TES: variants seen among roughly 807,000 people sequenced by gnomAD.
The protein encoded by TES is testin.
Under a neutral mutation model 48.2 loss-of-function variants are expected in TES, and 41 were observed. The ratio of observed to expected loss-of-function variants is 0.85; its 90% confidence interval spans 0.66 to 1.10. The LOEUF (loss-of-function observed/expected upper bound fraction) is 1.10. Ranked by LOEUF, TES falls within the 50% of genes least tolerant of loss-of-function variation. TES has a pLI of 0.00. For synonymous variants in TES, 162 were observed against 174.9 expected (o/e 0.93, Z 0.58); for missense variants, 463 against 515.1 (o/e 0.90, Z 0.98).
chr7:116,240,480 C>T (rs1259558059), intron 2 of TES, among the ~76,000 whole-genome samples: 1 of 151,958 alleles, frequency 6.6e-6, no homozygotes, highest in Non-Finnish European at 1.5e-5. Flanking sequence ...CTTCCCTCCC[C>T]CTCGCTCCTC....
chr7:116,232,843 T>G (rs1248519370), intron 1 of TES, among the ~76,000 whole-genome samples: 2 of 152,220 alleles, frequency 1.3e-5, no homozygotes, highest in African/African-American at 4.8e-5. Context: ...GCTGGACAGT[T>G]GTTTATTCTT....
chr7:116,242,160 T>C (rs1799856905), intron 2 of TES, among the ~76,000 whole-genome samples: 1 of 152,204 alleles, frequency 6.6e-6, no homozygotes, highest in Non-Finnish European at 1.5e-5. Flanking sequence ...TTGGGATGCA[T>C]GCTGTAGCTC....
Position 116,210,549 on chromosome 7 carries a change from A to T in TES, c.-159A>T. ...CCGGGCCGCAGGCCCGCTGCGGCGG[A>T]CTGGGCGGCGGAAGTTCGACGGCGC... is the stretch of plus-strand genomic sequence containing the variant. On this transcript the variant is annotated 5_prime_UTR_variant, in exon 1 of 7. Coordinates refer to ENST00000358204, the MANE Select transcript of TES (RefSeq NM_015641.4). 2 of 769,896 alleles carry T rather than the reference A, an allele frequency of 2.6e-6. No homozygotes were observed. The highest frequency in any genetic ancestry group is 4.5e-5 in the Admixed American group (1 of 22,088). The allele number at this position is 769,896 out of a possible 1,614,324, so 47.7% of individuals were successfully genotyped here. A position where few individuals can be genotyped will look rare whatever the true frequency, so the allele number is the denominator to read the frequency against.
chr7:116,249,308 G>A (rs751145563), intron 3 of TES, 36 bp downstream of exon 3: 11 of 1,611,948 alleles, frequency 6.8e-6, no homozygotes, highest in African/African-American at 1.3e-5. Context: ...CTTTATTGAA[G>A]TTCCTGGAGT....
At chr7:116,213,897 T>C (rs556024684) in intron 1 of TES, among the ~76,000 whole-genome samples, 1 of 152,248 alleles carries the variant, frequency 6.6e-6, no homozygotes, top group East Asian at 1.9e-4. Context: ...AACAGTCTCA[T>C]TTTGCGGTGA....
intron 1 of TES, among the ~76,000 whole-genome samples, chr7:116,226,912 G>T (rs941813273): frequency 1.3e-5 from 2 of 152,108 alleles, no homozygotes; most frequent in Non-Finnish European, 2.9e-5. Flanking sequence ...GAGATGGGAA[G>T]TTTTTGTTTT....
At chr7:116,228,315 T>C (rs750901006) in intron 1 of TES, among the ~76,000 whole-genome samples, 1 of 152,142 alleles carries the variant, frequency 6.6e-6, no homozygotes, top group Non-Finnish European at 1.5e-5. Context: ...AGGACCTTGA[T>C]AGATAGTCCC....
intron 2 of TES, 26 bp downstream of exon 2, chr7:116,234,645 A>G (rs367779840): frequency 3.2e-6 from 5 of 1,579,542 alleles, no homozygotes; most frequent in Non-Finnish European, 4.4e-6. Flanking sequence ...CTGCAACCAC[A>G]TTAGTAATTT....
chr7:116,237,447 C>A (rs1209837946), intron 2 of TES, among the ~76,000 whole-genome samples: 1 of 152,130 alleles, frequency 6.6e-6, no homozygotes, highest in African/African-American at 2.4e-5. Context: ...ACCCTAACAT[C>A]TGGCCTCTGC....
chr7:116,218,198 G>A (rs192201359), intron 1 of TES, among the ~76,000 whole-genome samples: 413 of 152,226 alleles, frequency 2.7e-3, no homozygotes, highest in Non-Finnish European at 4.6e-3. Context: ...AACCATGAGT[G>A]ATTCAGCTTG....
rs2116563235 is a variant in TES, at chr7:116,210,629, G to T, written c.-79G>T. 1.6e-6 allele frequency: 2 copies of T among 1,271,100 alleles called. No homozygotes were observed. Among genetic ancestry groups the T allele is most frequent in the East Asian group, 3.2e-5 (1 of 30,836 alleles). 78.7% of individuals were successfully genotyped at this position (1,271,100 alleles called of 1,614,324 possible). A position where few individuals can be genotyped will look rare whatever the true frequency, so the allele number is the denominator to read the frequency against. ...GGAGTTCCGCAGGTTTCCCGTGTTCGCAGCGGAGCCGGAGGCCAGCTGAAC... is the reference window on the plus strand; with the variant it reads ...GGAGTTCCGCAGGTTTCCCGTGTTCTCAGCGGAGCCGGAGGCCAGCTGAAC... On this transcript the variant is annotated 5_prime_UTR_variant, in exon 1 of 7. Coordinates refer to ENST00000358204, the MANE Select transcript of TES (RefSeq NM_015641.4).
chr7:116,226,945 T>C (rs921512922), intron 1 of TES, among the ~76,000 whole-genome samples: 1 of 152,194 alleles, frequency 6.6e-6, no homozygotes, highest in Admixed American at 6.5e-5. Context: ...AAGAGAAATG[T>C]AGCAGATTTA....
Position 116,222,099 on chromosome 7 carries a change from A to C in TES, c.27+11365A>C, listed in dbSNP as rs556790647. ...AATTCTTTTTTTTCCAGAATAAGGG[A>C]TGGTGTGAAAAGGGTATGCAATAAA... On this transcript the variant is annotated intron_variant, in intron 1 of 6. Transcript: ENST00000358204. Among the ~76,000 whole-genome samples, 4 of 152,196 alleles carry C rather than the reference A, an allele frequency of 2.6e-5. No individual in the cohort carries two copies. In the South Asian group the frequency reaches 8.3e-4, roughly 32 times the overall value.
At chr7:116,220,985 A>G (rs940812848) in intron 1 of TES, among the ~76,000 whole-genome samples, 10 of 152,168 alleles carry the variant, frequency 6.6e-5, no homozygotes, top group Non-Finnish European at 1.2e-4. Flanking sequence ...TCTTCATGCT[A>G]TTTAACAGAC....
intron 4 of TES, 81 bp downstream of exon 4, chr7:116,250,577 C>T: frequency 4.4e-6 from 5 of 1,140,286 alleles, no homozygotes; most frequent in Non-Finnish European, 5.8e-6. Context: ...TTTTTGGGGA[C>T]TATTCCTCTG....
chr7:116,230,431 C>T (rs1264936885), intron 1 of TES, among the ~76,000 whole-genome samples: 1 of 152,220 alleles, frequency 6.6e-6, no homozygotes, highest in Non-Finnish European at 1.5e-5. Context: ...AACCCTGGAA[C>T]AATACTTTCT....
chr7:116,210,642 A>G lies in TES; in HGVS notation c.-66A>G. 7.8e-7 allele frequency: 1 copy of G among 1,290,016 alleles called. No homozygotes were observed. The highest frequency in any genetic ancestry group is 9.9e-7 in the Non-Finnish European group (1 of 1,005,778). The allele number at this position is 1,290,016 out of a possible 1,614,324, so 79.9% of individuals were successfully genotyped here. A position where few individuals can be genotyped will look rare whatever the true frequency, so the allele number is the denominator to read the frequency against. On this transcript the variant is annotated 5_prime_UTR_variant, in exon 1 of 7. Transcript: ENST00000358204. The stretch of plus-strand genomic sequence containing the variant: ...TTTCCCGTGTTCGCAGCGGAGCCGG[A>G]GGCCAGCTGAACCCGGCCGTGGGAT...
At chr7:116,239,643 G>T (rs1799817471) in intron 2 of TES, among the ~76,000 whole-genome samples, 1 of 152,234 alleles carries the variant, frequency 6.6e-6, no homozygotes. Context: ...TGTCGCCTCT[G>T]AAGTGTGATT....
intron 1 of TES, among the ~76,000 whole-genome samples, chr7:116,223,314 T>G (rs1452044915): frequency 6.6e-6 from 1 of 152,214 alleles, no homozygotes; most frequent in African/African-American, 2.4e-5. Context: ...TCAAGTAATT[T>G]TGGCTCCTGA....
Sources: allele counts gnomAD v4.1 joint callset (sites outside exome capture counted in the v4.1 genomes callset), GRCh38; gene constraint gnomAD v4.1.1; transcripts MANE v1.5; gene names NCBI Gene and HGNC (gene_info 2026-07-23, HGNC 2026-07-21).